TLL2: variants seen among roughly 807,000 people sequenced by gnomAD.
TLL2 encodes tolloid like 2, also known as tolloid-like protein 2.
In TLL2, 106 loss-of-function variants were observed where a neutral mutation model predicts 123.0. That is an observed-to-expected ratio of 0.86 (90% CI 0.74 to 1.01). TLL2 has a LOEUF of 1.01. Ranked by LOEUF, TLL2 falls within the 50% of genes least tolerant of loss-of-function variation. TLL2 has a pLI of 0.00. For synonymous variants in TLL2, 494 were observed against 516.8 expected (o/e 0.96, Z 0.60); for missense variants, 1,332 against 1,336.7 (o/e 1.00, Z 0.06).
rs142861450 is a variant in TLL2, at chr10:96,482,591, G to A, written c.176-2132C>T. ...TGTTGCCAAACACTACATATTATAT[G>A]ATTCAATTGATATGAAATGTCTACA... On this transcript the variant is annotated intron_variant, in intron 1 of 20. Transcript: ENST00000357947. Among the ~76,000 whole-genome samples the A allele has an allele frequency of 2.7e-3, 416 of 152,274 alleles. 2 individuals are homozygous for A. Among genetic ancestry groups the A allele is most frequent in the African/African-American group, 8.2e-3 (339 of 41,544 alleles).
chr10:96,403,469 G>A (rs558141224), intron 10 of TLL2, among the ~76,000 whole-genome samples: 362 of 152,320 alleles, frequency 2.4e-3, no homozygotes, highest in Non-Finnish European at 1.6e-3. Context: ...GTATGAAATC[G>A]AGGTTTAAGG....
intron 3 of TLL2, among the ~76,000 whole-genome samples, chr10:96,443,692 G>A (rs981102614): frequency 6.6e-6 from 1 of 152,198 alleles, no homozygotes; most frequent in African/African-American, 2.4e-5. Flanking sequence ...CTTTGTCACT[G>A]CAGTGTGATG....
At chr10:96,476,800 TAA>T (rs1266027265) in intron 2 of TLL2, among the ~76,000 whole-genome samples, 2 of 151,118 alleles carry the variant, frequency 1.3e-5, no homozygotes, top group Non-Finnish European at 2.9e-5. Context: ...AAGTGTTAAG[TAA>T]AAAATTCAGA....
intron 9 of TLL2, among the ~76,000 whole-genome samples, chr10:96,405,695 A>G (rs868442640): frequency 3.9e-5 from 6 of 152,206 alleles, no homozygotes; most frequent in Admixed American, 1.3e-4. Context: ...CAGAGATACA[A>G]GAAGATCTTA....
intron 2 of TLL2, among the ~76,000 whole-genome samples, chr10:96,457,561 C>A (rs368052976): frequency 6.6e-6 from 1 of 152,192 alleles, no homozygotes; most frequent in East Asian, 1.9e-4. Context: ...AGGGAAACTC[C>A]TTTTCCTCAA....
chr10:96,406,118 G>A (rs147249380), intron 9 of TLL2, among the ~76,000 whole-genome samples: 368 of 152,292 alleles, frequency 2.4e-3, no homozygotes, highest in African/African-American at 8.4e-3. Context: ...ACTTAGTAGG[G>A]GGAAGGGGAG....
At position 96,432,804 on chromosome 10, in the gene TLL2, G is replaced by C; in HGVS notation, c.520+3C>G. 1 of 1,613,348 alleles carries C rather than the reference G, an allele frequency of 6.2e-7. No homozygotes were observed. The highest frequency in any genetic ancestry group is 8.5e-7 in the Non-Finnish European group (1 of 1,179,548). On this transcript the variant is annotated splice_donor_region_variant and intron_variant, in intron 4 of 20. Transcript: ENST00000357947. ...AAAGCAGACCTTGTCTGTGGCTACT[G>C]ACCAGTGAAGTTCCCTCCAATGACG...
At chr10:96,399,838 C>T (rs1402749455) in intron 10 of TLL2, among the ~76,000 whole-genome samples, 1 of 152,222 alleles carries the variant, frequency 6.6e-6, no homozygotes, top group Admixed American at 6.5e-5. Flanking sequence ...GAGACTTTCA[C>T]TGCCTCGTCT....
chr10:96,461,946 C>T (rs1005127286), intron 2 of TLL2, among the ~76,000 whole-genome samples: 1 of 152,220 alleles, frequency 6.6e-6, no homozygotes, highest in Non-Finnish European at 1.5e-5. Context: ...ACGCTCTACT[C>T]CTTAAGAACT....
intron 1 of TLL2, among the ~76,000 whole-genome samples, chr10:96,510,546 G>A (rs566885763): frequency 3.3e-5 from 5 of 152,336 alleles, no homozygotes; most frequent in African/African-American, 1.2e-4. Flanking sequence ...TTTATAAAAA[G>A]TATCTAACTA....
intron 7 of TLL2, among the ~76,000 whole-genome samples, chr10:96,420,191 T>A (rs1417189103): frequency 6.6e-6 from 1 of 152,238 alleles, no homozygotes; most frequent in Non-Finnish European, 1.5e-5. Context: ...AGAGAAAATA[T>A]TTGTTCTCTG....
At chr10:96,396,072 C>T (rs777155922) in intron 11 of TLL2, 52 bp from the exon 12 acceptor site, 2 of 1,587,034 alleles carry the variant, frequency 1.3e-6, no homozygotes, top group Non-Finnish European at 8.6e-7. Flanking sequence ...TCAGATCTTA[C>T]TTAGGAAGGA....
intron 1 of TLL2, among the ~76,000 whole-genome samples, chr10:96,493,492 T>TGAGGGCAAGCCAGCTGGAGTGG (rs1847436728): frequency 6.6e-6 from 1 of 151,932 alleles, no homozygotes; most frequent in African/African-American, 2.4e-5. Flanking sequence ...AGGGGTGCAG[T>TGAGGGCAAGCCAGCTGGAGTGG]GAGGGCAAGC....
At chr10:96,504,772 C>A (rs986222918) in intron 1 of TLL2, among the ~76,000 whole-genome samples, 4 of 152,136 alleles carry the variant, frequency 2.6e-5, no homozygotes, top group Non-Finnish European at 2.9e-5. Flanking sequence ...TTTGGGAGGC[C>A]GAAGTGAGCA....
At chr10:96,385,590 G>C (rs1846226680) in intron 15 of TLL2, among the ~76,000 whole-genome samples, 1 of 152,188 alleles carries the variant, frequency 6.6e-6, no homozygotes, top group South Asian at 2.1e-4. Flanking sequence ...CTAAGGTGCA[G>C]ACGTAGGCAT....
In TLL2 at chr10:96,428,677, T is replaced by C; in HGVS notation, c.592A>G (p.Arg198Gly). The C allele has an allele frequency of 6.2e-7, 1 of 1,614,116 alleles. No individual in the cohort carries two copies. Among genetic ancestry groups the C allele is most frequent in the Non-Finnish European group, 8.5e-7 (1 of 1,179,970 alleles). ...EKHTCVTFIE[R>G]TDEESFIVFS... ...ACAATAAAGCTTTCCTCATCCGTCC[T>C]TTCTATGAAGGTCACACAGGTGTGC... is the stretch of plus-strand genomic sequence containing the variant. Residue 198 changes from arginine (R) to glycine (G), a missense_variant, in exon 5 of 21, where the codon AGG becomes GGG. Transcript: ENST00000357947.
intron 13 of TLL2, among the ~76,000 whole-genome samples, chr10:96,389,872 GC>G (rs768300373): frequency 2.6e-5 from 4 of 152,258 alleles, no homozygotes; most frequent in Non-Finnish European, 4.4e-5. Context: ...TGAAAGGCAT[GC>G]TTTTACACCT....
chr10:96,410,331 C>G (rs529203184), intron 9 of TLL2, 28 bp downstream of exon 9: 2 of 1,565,284 alleles, frequency 1.3e-6, no homozygotes, highest in South Asian at 1.1e-5. Context: ...GAGTGCCGTC[C>G]CATTTGCCAA....
At chr10:96,492,404 A>G (rs1847423617) in intron 1 of TLL2, among the ~76,000 whole-genome samples, 1 of 152,184 alleles carries the variant, frequency 6.6e-6, no homozygotes, top group Non-Finnish European at 1.5e-5. Context: ...TGGGTGGGTC[A>G]CCTGAGGTCA....
Sources: allele counts gnomAD v4.1 joint callset (sites outside exome capture counted in the v4.1 genomes callset), GRCh38; gene constraint gnomAD v4.1.1; transcripts MANE v1.5; gene names NCBI Gene and HGNC (gene_info 2026-07-23, HGNC 2026-07-21).